The following RNFT2 variants were observed in gnomAD, a reference collection of about 807,000 sequenced individuals.
RNFT2 encodes ring finger protein, transmembrane 2.
RNFT2 carries 36 observed loss-of-function variants against 53.0 expected under a neutral mutation model. That is an observed-to-expected ratio of 0.68 (90% CI 0.52 to 0.90). The LOEUF (loss-of-function observed/expected upper bound fraction) is 0.90, where lower values mean the gene tolerates loss of function less well. RNFT2 is among the 40% of genes least tolerant of loss of function. The pLI, the probability that RNFT2 is intolerant of heterozygous loss-of-function variation, is 0.00. For missense variants in RNFT2, 514 were observed against 585.6 expected, an observed-to-expected ratio of 0.88 and a Z score of 1.26; for synonymous variants, 260 against 253.2, an observed-to-expected ratio of 1.03 and a Z score of -0.26.
chr12:116,824,240 C>T (rs1876204530), intron 7 of RNFT2, among the ~76,000 whole-genome samples: 1 of 152,128 alleles, frequency 6.6e-6, no homozygotes, highest in Non-Finnish European at 1.5e-5. Context: ...CATTAGAGCT[C>T]TCTATGAGCC....
At chr12:116,776,059 C>G (rs1313453013) in intron 6 of RNFT2, among the ~76,000 whole-genome samples, 1 of 151,694 alleles carries the variant, frequency 6.6e-6, no homozygotes, top group Non-Finnish European at 1.5e-5. Context: ...CAAAAAAACT[C>G]GTAATTATTG....
intron 7 of RNFT2, among the ~76,000 whole-genome samples, chr12:116,818,589 C>G (rs1369633979): frequency 6.6e-6 from 1 of 152,096 alleles, no homozygotes; most frequent in African/African-American, 2.4e-5. Flanking sequence ...CTCACTGGAC[C>G]CTCTTCAACT....
intron 2 of RNFT2, 140 bp downstream of exon 2, chr12:116,740,661 G>A (rs1871561776): frequency 1.3e-6 from 1 of 796,644 alleles, no homozygotes; most frequent in Non-Finnish European, 2.1e-6. Flanking sequence ...TTACTGATTT[G>A]TCTAGGGTCA....
intron 8 of RNFT2, among the ~76,000 whole-genome samples, chr12:116,834,461 G>A (rs919979582): frequency 2.0e-5 from 3 of 152,028 alleles, no homozygotes; most frequent in Admixed American, 6.6e-5. Context: ...GGCATTGAGC[G>A]GATTCACAAT....
At chr12:116,806,374 AAAAAAAAAT>A (rs796938908) in intron 7 of RNFT2, among the ~76,000 whole-genome samples, 6 of 98,512 alleles carry the variant, frequency 6.1e-5, no homozygotes, top group African/African-American at 2.3e-4. Flanking sequence ...TCTCAAAAAA[AAAAAAAAAT>A]ATATATATAT....
rs1264803474 is a variant in RNFT2, at chr12:116,851,736, C to T, written c.*2288C>T. ...AACCTGGGTGACAGAGTGAGTGAGA[C>T]TCTGTCTAAAAAAAAAAAGAAAGAA... On this transcript the variant is annotated 3_prime_UTR_variant, in exon 11 of 11. Coordinates refer to ENST00000257575, the MANE Select transcript of RNFT2 (RefSeq NM_001382266.1). 4.2e-6 allele frequency: 3 copies of T among 712,910 alleles called. No individual in the cohort carries two copies. The highest frequency in any genetic ancestry group is 7.5e-6 in the Non-Finnish European group (3 of 402,622). The allele number at this position is 712,910 out of a possible 1,614,324, so 44.2% of individuals were successfully genotyped here.
At position 116,833,828 on chromosome 12, in the gene RNFT2, C is replaced by G. The variant is rs1192775612; in HGVS notation, c.919C>G (p.Leu307Val). The G allele has an allele frequency of 6.2e-7, 1 of 1,613,230 alleles. No individual in the cohort carries two copies. Among genetic ancestry groups the G allele is most frequent in the Non-Finnish European group, 8.5e-7 (1 of 1,179,606 alleles). ...FYLVIEELSQLFRSLVPIQLW... is the reference protein window; with the variant it reads ...FYLVIEELSQVFRSLVPIQLW... The stretch of plus-strand genomic sequence containing the variant: ...TCTGGTCATCGAGGAGCTGAGCCAG[C>G]TGTTCCGATCCCTTGTCCCCATCCA... Residue 307 changes from leucine (L) to valine (V), a missense_variant, in exon 8 of 11, where the codon CTG (leucine) becomes GTG (valine). By Grantham distance (32) the Leu-to-Val change is conservative. Coordinates refer to ENST00000257575, the MANE Select transcript of RNFT2 (RefSeq NM_001382266.1).
intron 7 of RNFT2, chr12:116,800,885 G>A (rs1195562897): frequency 6.9e-6 from 1 of 145,294 alleles, no homozygotes; most frequent in East Asian, 2.0e-4. Context: ...ATAAAACAGA[G>A]GCTCAGGGAG....
In RNFT2 at chr12:116,755,374, T is replaced by A. The variant is rs551992636; in HGVS notation, c.627+1314T>A. ...TTTATAGCCCAGAGGTCTTTTTTTT[T>A]TTTTTTTTTAACACCTATTATGCCA... On this transcript the variant is annotated intron_variant, in intron 5 of 10. Coordinates refer to ENST00000257575, the MANE Select transcript of RNFT2 (RefSeq NM_001382266.1). 418 of 781,010 alleles carry A rather than the reference T, an allele frequency of 5.4e-4. 2 individuals are homozygous for A. In the African/African-American group the frequency reaches 6.7e-3, roughly 13 times the overall value. The allele number at this position is 781,010 out of a possible 1,614,324, so 48.4% of individuals were successfully genotyped here. A position where few individuals can be genotyped will look rare whatever the true frequency, so the allele number is the denominator to read the frequency against.
At position 116,833,922 on chromosome 12, in the gene RNFT2, T is replaced by G. The variant is rs1447365271; in HGVS notation, c.1013T>G (p.Val338Gly). 5 of 1,610,798 alleles carry G rather than the reference T, an allele frequency of 3.1e-6. No homozygotes were observed. The highest frequency in any genetic ancestry group is 4.2e-6 in the Non-Finnish European group (5 of 1,178,648). Residue 338 changes from valine (V) to glycine (G), a missense_variant, in exon 8 of 11, where the codon GTT (valine) becomes GGT (glycine). Coordinates refer to ENST00000257575, the MANE Select transcript of RNFT2 (RefSeq NM_001382266.1). The stretch of plus-strand genomic sequence containing the variant: ...TACTTCCTGGGCGGGGTCCTGATCG[T>G]TCTCTACAGCCTCTGCAAGGTGAGG... ...NSYFLGGVLIVLYSLCKSFDI... is the reference protein window; with the variant it reads ...NSYFLGGVLIGLYSLCKSFDI...
chr12:116,763,631 T>G (rs1872781089), intron 5 of RNFT2, among the ~76,000 whole-genome samples: 1 of 150,166 alleles, frequency 6.7e-6, no homozygotes, highest in African/African-American at 2.5e-5. Flanking sequence ...AAAAAAAAAT[T>G]AGCTGGATGT....
chr12:116,767,009 C>G (rs1872945464), intron 6 of RNFT2, 95 bp downstream of exon 6: 3 of 795,586 alleles, frequency 3.8e-6, no homozygotes, highest in South Asian at 3.2e-5. Context: ...GGCACAAGCT[C>G]TATGTCATGT....
intron 8 of RNFT2, among the ~76,000 whole-genome samples, chr12:116,834,779 A>G (rs1397043002): frequency 6.6e-6 from 1 of 151,940 alleles, no homozygotes; most frequent in African/African-American, 2.4e-5. Context: ...CTCACCTATG[A>G]AGCTCACCAT....
At chr12:116,834,235 A>T (rs1876842945) in intron 8 of RNFT2, among the ~76,000 whole-genome samples, 1 of 152,026 alleles carries the variant, frequency 6.6e-6, no homozygotes, top group Non-Finnish European at 1.5e-5. Flanking sequence ...CTCTTGCCTC[A>T]GCCTCCAGAA....
At chr12:116,797,553 A>G (rs1874562082) in intron 7 of RNFT2, among the ~76,000 whole-genome samples, 1 of 151,390 alleles carries the variant, frequency 6.6e-6, no homozygotes, top group Non-Finnish European at 1.5e-5. Flanking sequence ...AAAAAAAAAA[A>G]GTTATTAAGT....
chr12:116,811,667 C>T (rs1369989669), intron 7 of RNFT2, among the ~76,000 whole-genome samples: 1 of 152,184 alleles, frequency 6.6e-6, no homozygotes, highest in Admixed American at 6.5e-5. Context: ...TGAGCCAACG[C>T]ACCCGGCATG....
At chr12:116,822,487 C>T (rs926232763) in intron 7 of RNFT2, among the ~76,000 whole-genome samples, 1 of 152,112 alleles carries the variant, frequency 6.6e-6, no homozygotes, top group Non-Finnish European at 1.5e-5. Flanking sequence ...TTTTCTGTGC[C>T]TCCATTTCCT....
chr12:116,739,764 T>C (rs1871509800), intron 1 of RNFT2, among the ~76,000 whole-genome samples: 1 of 152,246 alleles, frequency 6.6e-6, no homozygotes, highest in South Asian at 2.1e-4. Flanking sequence ...CAGATGATGC[T>C]ACATCAGGAA....
chr12:116,814,463 C>G (rs1270157357), intron 7 of RNFT2, among the ~76,000 whole-genome samples: 1 of 152,040 alleles, frequency 6.6e-6, no homozygotes, highest in Non-Finnish European at 1.5e-5. Flanking sequence ...TTGAAGGAAG[C>G]AAGGGAGTGT....
Sources: allele counts gnomAD v4.1 joint callset (sites outside exome capture counted in the v4.1 genomes callset), GRCh38; gene constraint gnomAD v4.1.1; transcripts MANE v1.5; gene names NCBI Gene and HGNC (gene_info 2026-07-23, HGNC 2026-07-21).